VPS13A: variants seen among roughly 807,000 people sequenced by gnomAD.
VPS13A encodes vacuolar protein sorting 13 homolog A.
In VPS13A, 264 loss-of-function variants were observed where a neutral mutation model predicts 390.9. That is an observed-to-expected ratio of 0.68 (90% CI 0.61 to 0.75). The LOEUF is 0.75. Ranked by LOEUF, VPS13A falls within the 30% of genes least tolerant of loss-of-function variation. The pLI is 0.00. For synonymous variants in VPS13A, 1,231 were observed against 1,227.1 expected (o/e 1.00, Z -0.07); for missense variants, 3,409 against 3,733.9 (o/e 0.91, Z 2.27).
intron 68 of VPS13A, among the ~76,000 whole-genome samples, chr9:77,399,970 T>C (rs1255563541): frequency 6.8e-6 from 1 of 147,340 alleles, no homozygotes; most frequent in South Asian, 2.1e-4. Flanking sequence ...TATGCACAGG[T>C]TTTTTATGAC....
At chr9:77,178,934 A>T (rs1177725616) in intron 1 of VPS13A, among the ~76,000 whole-genome samples, 1 of 152,216 alleles carries the variant, frequency 6.6e-6, no homozygotes. Flanking sequence ...CAGGTAGTTT[A>T]GTTTGATTTT....
At chr9:77,371,564 A>G (rs567228766) in intron 67 of VPS13A, among the ~76,000 whole-genome samples, 229 of 152,236 alleles carry the variant, frequency 1.5e-3, no homozygotes, top group Admixed American at 3.1e-3. Context: ...AAAGTTTCCA[A>G]CACATGCTCT....
rs1406979763 is a variant in VPS13A, at chr9:77,334,745, C to T, written c.6096-2510C>T. 5.9e-5 allele frequency among the ~76,000 whole-genome samples: 9 copies of T among 151,862 alleles called. No homozygotes were observed. The South Asian group carries it at 8.3e-4, about 14-fold the overall frequency. On this transcript the variant is annotated intron_variant, in intron 46 of 71. Coordinates refer to ENST00000360280, the MANE Select transcript of VPS13A (RefSeq NM_033305.3). ...TTTGATAAACTGGATAAGTGTATTA[C>T]GATTAGTTTAATTTGGAAAAAATTA...
intron 68 of VPS13A, among the ~76,000 whole-genome samples, chr9:77,399,912 TTGTAA>T (rs1457116847): frequency 6.6e-6 from 1 of 152,304 alleles, no homozygotes; most frequent in South Asian, 2.1e-4. Context: ...ATACATTCTC[TTGTAA>T]TATAATTTTA....
chr9:77,398,865 T>C (rs1834230844), intron 68 of VPS13A, among the ~76,000 whole-genome samples: 1 of 151,374 alleles, frequency 6.6e-6, no homozygotes, highest in South Asian at 2.1e-4. Flanking sequence ...ATATCCTTTG[T>C]AGGGACATGG....
intron 68 of VPS13A, among the ~76,000 whole-genome samples, chr9:77,401,806 A>G (rs1359056150): frequency 6.6e-6 from 1 of 152,208 alleles, no homozygotes; most frequent in East Asian, 1.9e-4. Context: ...ATGGCCAACC[A>G]TGGTTTGAAA....
At chr9:77,414,466 A>T (rs1564004020) in intron 71 of VPS13A, among the ~76,000 whole-genome samples, 1 of 152,088 alleles carries the variant, frequency 6.6e-6, no homozygotes, top group African/African-American at 2.4e-5. Flanking sequence ...GGAAACCATC[A>T]TTCTCAGCAA....
chr9:77,203,157 A>G (rs1825429559), intron 3 of VPS13A, among the ~76,000 whole-genome samples: 1 of 152,228 alleles, frequency 6.6e-6, no homozygotes, highest in Admixed American at 6.5e-5. Context: ...AAATATAAAT[A>G]CACATGTACA....
In VPS13A at chr9:77,250,454, A is replaced by C. The variant is rs572296156; in HGVS notation, c.2170+225A>C. Reference sequence around the variant, plus strand: ...CTTTGGTTGTCACAGGTAGAGCATGAGTGGCACTCCTAGCATCTAGTGGGT... The same window carrying C: ...CTTTGGTTGTCACAGGTAGAGCATGCGTGGCACTCCTAGCATCTAGTGGGT... On this transcript the variant is annotated intron_variant, in intron 21 of 71. Transcript: ENST00000360280. 2.0e-5 allele frequency among the ~76,000 whole-genome samples: 3 copies of C among 152,236 alleles called. No individual in the cohort carries two copies. In the South Asian group the frequency reaches 6.2e-4, roughly 32 times the overall value.
At position 77,275,869 on chromosome 9, in the gene VPS13A, C is replaced by T. The variant is rs373607882; in HGVS notation, c.2668-196C>T. ...CAAGAGTGAAGGATTTAAATTTATT[C>T]AGTACATGTTTTTGTGAAAACGATT... On this transcript the variant is annotated intron_variant, in intron 25 of 71. Coordinates refer to ENST00000360280, the MANE Select transcript of VPS13A (RefSeq NM_033305.3). Among the ~76,000 whole-genome samples, 6 of 146,284 alleles carry T rather than the reference C, an allele frequency of 4.1e-5. No homozygotes were observed. In the East Asian group the frequency reaches 1.3e-3, roughly 31 times the overall value.
At chr9:77,220,157 C>T (rs748207631) in intron 11 of VPS13A, 76 bp downstream of exon 11, 1 of 1,530,338 alleles carries the variant, frequency 6.5e-7, no homozygotes, top group Non-Finnish European at 8.9e-7. Flanking sequence ...AAATGTTTCA[C>T]TAAAATTCAT....
chr9:77,360,482 A>G (rs1832081918), intron 58 of VPS13A, 54 bp from the exon 59 acceptor site: 7 of 1,294,670 alleles, frequency 5.4e-6, no homozygotes, highest in Non-Finnish European at 7.8e-6. Context: ...TAATTTTTGT[A>G]ATACAGTTGT....
Position 77,345,146 on chromosome 9 carries a change from A to T in VPS13A, c.7289+4A>T. On this transcript the variant is annotated splice_donor_region_variant and intron_variant, in intron 52 of 71. Coordinates refer to ENST00000360280, the MANE Select transcript of VPS13A (RefSeq NM_033305.3). ...AACTTGTTCAATACAATCAAAGGTA[A>T]GATTATCACAAATACAGTAACTCTT... is the stretch of plus-strand genomic sequence containing the variant. 6.2e-7 allele frequency: 1 copy of T among 1,612,606 alleles called. No individual in the cohort carries two copies. Among genetic ancestry groups the T allele is most frequent in the Non-Finnish European group, 8.5e-7 (1 of 1,179,582 alleles).
chr9:77,301,571 G>A (rs1418280341), intron 33 of VPS13A, among the ~76,000 whole-genome samples: 2 of 152,166 alleles, frequency 1.3e-5, no homozygotes, highest in Non-Finnish European at 2.9e-5. Flanking sequence ...TACAGTCATG[G>A]TGTTATATCT....
chr9:77,225,680 CTT>C (rs577159841), intron 13 of VPS13A, among the ~76,000 whole-genome samples: 79 of 152,204 alleles, frequency 5.2e-4, no homozygotes, highest in African/African-American at 1.7e-3. Flanking sequence ...GTTTGGAACT[CTT>C]TATGCAGAAT....
At chr9:77,389,247 A>C in intron 68 of VPS13A, among the ~76,000 whole-genome samples, 1 of 152,124 alleles carries the variant, frequency 6.6e-6, no homozygotes, top group East Asian at 1.9e-4. Flanking sequence ...ACCACTCAGA[A>C]ATATCCGTAA....
intron 17 of VPS13A, among the ~76,000 whole-genome samples, chr9:77,229,808 A>G (rs1362622363): frequency 3.3e-5 from 5 of 152,172 alleles, no homozygotes; most frequent in Non-Finnish European, 5.9e-5. Context: ...GCTGTCTCAT[A>G]TGCTAATACT....
intron 6 of VPS13A, among the ~76,000 whole-genome samples, chr9:77,210,334 T>TG (rs1289203409): frequency 2.0e-5 from 3 of 147,672 alleles, no homozygotes; most frequent in Non-Finnish European, 4.5e-5. Context: ...CTTGCTCAAG[T>TG]GATCCTCCCA....
At chr9:77,208,944 T>C (rs1825823420) in intron 5 of VPS13A, among the ~76,000 whole-genome samples, 1 of 152,228 alleles carries the variant, frequency 6.6e-6, no homozygotes, top group Non-Finnish European at 1.5e-5. Context: ...ACTTCTTTCA[T>C]CCTTGTTCAA....
Sources: gnomAD v4.1 joint callset for allele counts (sites outside exome capture counted in the v4.1 genomes callset) on GRCh38, gnomAD v4.1.1 for gene constraint, MANE v1.5 for transcripts, NCBI Gene and HGNC (gene_info 2026-07-23, HGNC 2026-07-21) for gene names.